PRKD1: variants seen among roughly 807,000 people sequenced by gnomAD.
PRKD1 encodes the protein protein kinase D1.
PRKD1 carries 63 observed loss-of-function variants against 95.9 expected under a neutral mutation model. The ratio of observed to expected loss-of-function variants is 0.66; its 90% CI spans 0.54 to 0.81. The LOEUF is 0.81. Ranked by LOEUF, PRKD1 falls within the 30% of genes least tolerant of loss-of-function variation. The probability of loss-of-function intolerance (pLI) is 0.00; values close to 1 mark genes in which losing one functional copy is unlikely to be tolerated. For missense variants in PRKD1, 1,048 were observed against 1,165.3 expected (o/e 0.90, Z 1.47); for synonymous variants, 425 against 423.1 (o/e 1.00, Z -0.05).
chr14:29,781,816 AAG>A (rs1269843568), intron 1 of PRKD1, among the ~76,000 whole-genome samples: 2 of 152,216 alleles, frequency 1.3e-5, no homozygotes, highest in African/African-American at 4.8e-5. Context: ...CAAGAGAAAA[AAG>A]AGCAGTCAAC....
At chr14:29,793,930 T>C (rs1259685766) in intron 1 of PRKD1, among the ~76,000 whole-genome samples, 1 of 152,092 alleles carries the variant, frequency 6.6e-6, no homozygotes, top group Non-Finnish European at 1.5e-5. Context: ...ATGAGCTGTG[T>C]TCTGAATTTA....
At chr14:29,591,579 C>T (rs1158742356) in intron 16 of PRKD1, among the ~76,000 whole-genome samples, 8 of 152,082 alleles carry the variant, frequency 5.3e-5, no homozygotes, top group Non-Finnish European at 1.0e-4. Flanking sequence ...TAATTAACTG[C>T]TGGCATGCTA....
intron 1 of PRKD1, among the ~76,000 whole-genome samples, chr14:29,780,081 C>T (rs188207694): frequency 2.6e-4 from 40 of 152,236 alleles, no homozygotes; most frequent in African/African-American, 8.9e-4. Flanking sequence ...AACTGGCTAG[C>T]CATATGTAGA....
At chr14:29,789,778 C>A (rs1889451019) in intron 1 of PRKD1, among the ~76,000 whole-genome samples, 1 of 152,024 alleles carries the variant, frequency 6.6e-6, no homozygotes, top group Non-Finnish European at 1.5e-5. Context: ...GGAAGTGCAG[C>A]CAGTAGTGCC....
At chr14:29,843,006 G>A (rs74331284) in intron 1 of PRKD1, among the ~76,000 whole-genome samples, 3,717 of 152,152 alleles carry the variant, frequency 0.024, 77 homozygotes, top group East Asian at 0.078. Context: ...AGAAAGAGCC[G>A]GCCAGAGAAA....
chr14:29,883,603 T>C (rs1893593087), intron 1 of PRKD1, among the ~76,000 whole-genome samples: 2 of 152,186 alleles, frequency 1.3e-5, no homozygotes, highest in African/African-American at 4.8e-5. Flanking sequence ...TTTAGCTACA[T>C]TTAGAAGGAA....
chr14:29,757,706 C>A (rs1334585494), intron 1 of PRKD1, among the ~76,000 whole-genome samples: 1 of 150,418 alleles, frequency 6.6e-6, no homozygotes, highest in Non-Finnish European at 1.5e-5. Context: ...TTATTAAAAA[C>A]CAATTAAAAA....
chr14:29,701,744 TAA>T (rs1353735969), intron 2 of PRKD1, among the ~76,000 whole-genome samples: 1 of 152,190 alleles, frequency 6.6e-6, no homozygotes, highest in Non-Finnish European at 1.5e-5. Context: ...TTTTGATGCT[TAA>T]ATTGTTCCAC....
At chr14:29,629,993 CT>C (rs1879877657) in intron 10 of PRKD1, among the ~76,000 whole-genome samples, 2 of 143,698 alleles carry the variant, frequency 1.4e-5, no homozygotes, top group Non-Finnish European at 3.0e-5. Context: ...TCCTCCTCTT[CT>C]TCTTCTTCTC....
intron 1 of PRKD1, among the ~76,000 whole-genome samples, chr14:29,754,631 C>T (rs1762090735): frequency 1.3e-5 from 2 of 151,956 alleles, no homozygotes; most frequent in Admixed American, 1.3e-4. Context: ...ATAAATTTTT[C>T]CTGTTTACAT....
intron 1 of PRKD1, among the ~76,000 whole-genome samples, chr14:29,756,827 G>T (rs1425456607): frequency 6.6e-6 from 1 of 152,200 alleles, no homozygotes; most frequent in African/African-American, 2.4e-5. Context: ...AAAGGCTCAG[G>T]ACTCCTCATA....
intron 1 of PRKD1, among the ~76,000 whole-genome samples, chr14:29,792,490 A>G (rs1255735691): frequency 5.3e-5 from 8 of 152,276 alleles, no homozygotes; most frequent in Non-Finnish European, 1.2e-4. Flanking sequence ...AAATATTTAT[A>G]GAGAATAATT....
At chr14:29,922,287 C>T (rs1479776525) in intron 1 of PRKD1, among the ~76,000 whole-genome samples, 3 of 131,052 alleles carry the variant, frequency 2.3e-5, no homozygotes, top group Non-Finnish European at 4.7e-5. Flanking sequence ...GGCAACAGAG[C>T]GAGACTCCAT....
chr14:29,731,913 G>C (rs183746716), intron 1 of PRKD1, among the ~76,000 whole-genome samples: 1 of 147,906 alleles, frequency 6.8e-6, no homozygotes, highest in African/African-American at 2.5e-5. Flanking sequence ...TCACTCTGGC[G>C]CCCAGGCTGG....
At chr14:29,635,019 G>A (rs1313982280) in intron 7 of PRKD1, among the ~76,000 whole-genome samples, 1 of 151,426 alleles carries the variant, frequency 6.6e-6, no homozygotes, top group African/African-American at 2.4e-5. Context: ...GGGTGACAGA[G>A]CAAGACTCCA....
At chr14:29,761,217 G>C (rs1162127356) in intron 1 of PRKD1, among the ~76,000 whole-genome samples, 1 of 152,140 alleles carries the variant, frequency 6.6e-6, no homozygotes, top group East Asian at 1.9e-4. Context: ...TTTTGATAAA[G>C]ATAGTTTAAA....
chr14:29,681,498 G>A (rs1202563279), intron 2 of PRKD1, among the ~76,000 whole-genome samples: 3 of 152,106 alleles, frequency 2.0e-5, no homozygotes, highest in African/African-American at 2.4e-5. Context: ...TTGTCACATG[G>A]GATGAAGGGA....
intron 4 of PRKD1, among the ~76,000 whole-genome samples, chr14:29,655,298 G>T (rs547790834): frequency 6.6e-6 from 1 of 152,124 alleles, no homozygotes; most frequent in Admixed American, 6.5e-5. Flanking sequence ...GAGTAAGAAT[G>T]ATTTTTCAAA....
At chr14:29,580,006 C>A (rs2138947941) in intron 16 of PRKD1, among the ~76,000 whole-genome samples, 1 of 152,268 alleles carries the variant, frequency 6.6e-6, no homozygotes, top group Non-Finnish European at 1.5e-5. Context: ...GCTGTGAAGT[C>A]ACCCGGCAAA....
Sources: allele counts gnomAD v4.1 joint callset (sites outside exome capture counted in the v4.1 genomes callset), GRCh38; gene constraint gnomAD v4.1.1; transcripts MANE v1.5; gene names NCBI Gene and HGNC (gene_info 2026-07-23, HGNC 2026-07-21).